The following PDE2A variants were observed in gnomAD, a reference collection of about 807,000 sequenced individuals.
PDE2A encodes the protein cGMP-dependent 3',5'-cyclic phosphodiesterase.
PDE2A carries 53 observed loss-of-function variants against 133.6 expected under a neutral mutation model. The ratio of observed to expected loss-of-function variants is 0.40; its 90% CI spans 0.32 to 0.50. The LOEUF is 0.50. PDE2A is among the 20% of genes least tolerant of loss of function. The probability of loss-of-function intolerance (pLI) is 0.73; values close to 1 mark genes in which losing one functional copy is unlikely to be tolerated. For missense variants in PDE2A, 796 were observed against 1,232.4 expected (o/e 0.65, Z 5.30); for synonymous variants, 491 against 490.2 (o/e 1.00, Z -0.02).
chr11:72,652,738 T>C (rs940854587), intron 1 of PDE2A: 3 of 456,116 alleles, frequency 6.6e-6, no homozygotes, highest in Admixed American at 2.3e-5. Context: ...CAGCTAGAAA[T>C]GATGGAACAG....
At chr11:72,644,057 C>T (rs1399826504) in intron 1 of PDE2A, among the ~76,000 whole-genome samples, 1 of 152,184 alleles carries the variant, frequency 6.6e-6, no homozygotes, top group Non-Finnish European at 1.5e-5. Context: ...GACTGACTCT[C>T]ACCTCCAGGC....
At chr11:72,661,672 G>A (rs895427342) in intron 1 of PDE2A, among the ~76,000 whole-genome samples, 1 of 152,218 alleles carries the variant, frequency 6.6e-6, no homozygotes, top group Admixed American at 6.5e-5. Context: ...GGGAATTCCG[G>A]GCAACAGCAT....
intron 1 of PDE2A, among the ~76,000 whole-genome samples, chr11:72,657,511 GCT>G (rs2135454386): frequency 6.6e-6 from 1 of 151,988 alleles, no homozygotes; most frequent in South Asian, 2.1e-4. Context: ...CCCCAGCCCC[GCT>G]CACACACGCC....
chr11:72,622,953 G>C (rs553552265), intron 2 of PDE2A, among the ~76,000 whole-genome samples: 34 of 152,304 alleles, frequency 2.2e-4, no homozygotes, highest in South Asian at 1.2e-3. Flanking sequence ...AGCAACTGTT[G>C]AACTGGGGTG....
chr11:72,577,888 C>T (rs997926112), intron 30 of PDE2A, among the ~76,000 whole-genome samples: 1 of 152,190 alleles, frequency 6.6e-6, no homozygotes, highest in African/African-American at 2.4e-5. Context: ...AGGAGAATCG[C>T]TTGAACCCAG....
At chr11:72,641,572 G>A (rs1210983607) in intron 2 of PDE2A, among the ~76,000 whole-genome samples, 1 of 152,236 alleles carries the variant, frequency 6.6e-6, no homozygotes, top group Non-Finnish European at 1.5e-5. Flanking sequence ...GAAGCCCAGA[G>A]AATAAAGTGG....
chr11:72,589,088 AG>A (rs1279451845), intron 12 of PDE2A, 86 bp downstream of exon 12: 13 of 1,315,538 alleles, frequency 9.9e-6, no homozygotes, highest in Non-Finnish European at 9.8e-6. Context: ...CCCCATTCCT[AG>A]GCTGCTCTGT....
chr11:72,663,973 C>A (rs1855153055), intron 1 of PDE2A, among the ~76,000 whole-genome samples: 1 of 152,214 alleles, frequency 6.6e-6, no homozygotes, highest in Non-Finnish European at 1.5e-5. Context: ...TCATCCAGGG[C>A]TCCCTTGCCC....
At chr11:72,642,177 T>C (rs1187389471) in intron 2 of PDE2A, 77 bp downstream of exon 2, 11 of 1,364,388 alleles carry the variant, frequency 8.1e-6, no homozygotes, top group Non-Finnish European at 9.5e-6. Flanking sequence ...CTGAGAAGGG[T>C]TCGGGGGCGG....
At position 72,586,109 on chromosome 11, in the gene PDE2A, C is replaced by A. The variant is rs1235068271; in HGVS notation, c.1143G>T (p.Leu381=). The A allele has an allele frequency of 2.5e-6, 4 of 1,612,826 alleles. No homozygotes were observed. Among genetic ancestry groups the A allele is most frequent in the Non-Finnish European group, 3.4e-6 (4 of 1,179,484 alleles). The change falls in exon 14 of 31, where the codon CTG becomes CTT. Residue 381 remains leucine, a synonymous_variant. Transcript: ENST00000334456. ...TGAGTTTCTGTTCCTTCTGGAAGGC[C>A]AGGGTGCTGGTGAGCACGGTGCTGG... ...HYTSTVLTST[L]AFQKEQKLKC... is the part of the protein sequence containing the mutation.
intron 23 of PDE2A, 51 bp from the exon 24 acceptor site, chr11:72,581,024 TC>T: frequency 8.1e-7 from 1 of 1,231,358 alleles, no homozygotes; most frequent in Non-Finnish European, 1.2e-6. Context: ...CACAGTTCCC[TC>T]CCTAAATCCC....
chr11:72,631,122 C>T, intron 2 of PDE2A: 5 of 1,546,620 alleles, frequency 3.2e-6, no homozygotes, highest in Non-Finnish European at 4.4e-6. Context: ...GGCTCCTTTG[C>T]AAGGGGGTCC....
At chr11:72,644,719 ATTTTATTTATTTTAT>A (rs1859081094) in intron 1 of PDE2A, among the ~76,000 whole-genome samples, 1 of 147,090 alleles carries the variant, frequency 6.8e-6, no homozygotes, top group South Asian at 2.2e-4. Context: ...TTGAGAAGTT[ATTTTATTTATTTTAT>A]TTTATTTTAT....
At chr11:72,602,691 G>A (rs1856810364) in intron 4 of PDE2A, among the ~76,000 whole-genome samples, 1 of 152,200 alleles carries the variant, frequency 6.6e-6, no homozygotes, top group South Asian at 2.1e-4. Flanking sequence ...CAATCACTGA[G>A]CTCCTACTGT....
chr11:72,594,737 C>G (rs1274983779), intron 6 of PDE2A, among the ~76,000 whole-genome samples: 1 of 152,164 alleles, frequency 6.6e-6, no homozygotes, highest in African/African-American at 2.4e-5. Flanking sequence ...TCCTCCTCTG[C>G]CTAGAATCCC....
chr11:72,605,016 G>T, intron 4 of PDE2A, 122 bp downstream of exon 4: 1 of 566,446 alleles, frequency 1.8e-6, no homozygotes. Context: ...AATCCCACCT[G>T]GCAGGGAGGC....
At chr11:72,606,971 G>A (rs1039043987) in intron 3 of PDE2A, among the ~76,000 whole-genome samples, 2 of 152,196 alleles carry the variant, frequency 1.3e-5, no homozygotes, top group Non-Finnish European at 2.9e-5. Flanking sequence ...GCCACAATGG[G>A]TGCTGATGAG....
intron 6 of PDE2A, 109 bp downstream of exon 6, chr11:72,596,484 T>TCACACACACA (rs60716742): frequency 7.5e-4 from 144 of 192,250 alleles, no homozygotes; most frequent in Middle Eastern, 3.9e-3. Context: ...TCTCTCTCTC[T>TCACACACACA]CACACACACA....
At chr11:72,584,457 C>T (rs1415153612) in intron 18 of PDE2A, 94 bp downstream of exon 18, 2 of 1,418,036 alleles carry the variant, frequency 1.4e-6, no homozygotes, top group African/African-American at 2.8e-5. Flanking sequence ...CTCCGGGACG[C>T]TGGAGGCGGT....
Sources: gnomAD v4.1 joint callset for allele counts (sites outside exome capture counted in the v4.1 genomes callset) on GRCh38, gnomAD v4.1.1 for gene constraint, MANE v1.5 for transcripts, NCBI Gene and HGNC (gene_info 2026-07-23, HGNC 2026-07-21) for gene names.